The following SOX5 variants were observed in gnomAD, a reference collection of about 807,000 sequenced individuals.
The protein encoded by SOX5 is SRY-box transcription factor 5, also known as transcription factor SOX-5.
SOX5 carries 9 observed loss-of-function variants against 92.0 expected under a neutral mutation model. The observed-to-expected ratio is 0.10, with a 90% CI of 0.06 to 0.17. The LOEUF (loss-of-function observed/expected upper bound fraction) is 0.17, where lower values mean the gene tolerates loss of function less well. Among genes scored for constraint, SOX5 ranks in the 10% least tolerant of loss-of-function variants. The pLI, the probability that SOX5 is intolerant of heterozygous loss-of-function variation, is 1.00. For missense variants in SOX5, 642 were observed against 944.5 expected (o/e 0.68, Z 4.20); for synonymous variants, 344 against 336.3 (o/e 1.02, Z -0.25).
intron 4 of SOX5, among the ~76,000 whole-genome samples, chr12:24,197,538 C>G (rs1957121689): frequency 6.6e-6 from 1 of 152,132 alleles, no homozygotes; most frequent in Non-Finnish European, 1.5e-5. Context: ...CAAACAGCAC[C>G]CTGCTTACAG....
intron 7 of SOX5, among the ~76,000 whole-genome samples, chr12:23,663,310 T>C (rs981462835): frequency 1.3e-5 from 2 of 152,172 alleles, no homozygotes; most frequent in East Asian, 3.8e-4. Context: ...GCACTAAAAG[T>C]ATGAATATTA....
At chr12:23,957,108 T>G (rs1297889736) in intron 4 of SOX5, among the ~76,000 whole-genome samples, 1 of 152,216 alleles carries the variant, frequency 6.6e-6, no homozygotes, top group Non-Finnish European at 1.5e-5. Context: ...AAGTCCTTCT[T>G]TACAGTTTTA....
chr12:23,827,577 T>C (rs2096252808), intron 3 of SOX5, among the ~76,000 whole-genome samples: 1 of 152,162 alleles, frequency 6.6e-6, no homozygotes. Flanking sequence ...ACAGTCTGCA[T>C]TGTGTTAATA....
chr12:23,987,441 G>C (rs1171463191), intron 4 of SOX5, among the ~76,000 whole-genome samples: 2 of 152,174 alleles, frequency 1.3e-5, no homozygotes, highest in African/African-American at 4.8e-5. Context: ...TGTGGAGCTG[G>C]AGCATAGTAG....
At chr12:24,551,966 G>T (rs1045469020) in intron 1 of SOX5, among the ~76,000 whole-genome samples, 1 of 152,142 alleles carries the variant, frequency 6.6e-6, no homozygotes, top group Non-Finnish European at 1.5e-5. Context: ...TGGGATACAG[G>T]ACTGGATAAA....
intron 3 of SOX5, among the ~76,000 whole-genome samples, chr12:23,802,137 G>A (rs930881129): frequency 2.0e-5 from 3 of 151,792 alleles, no homozygotes; most frequent in African/African-American, 4.8e-5. Flanking sequence ...GCAGTGGTGC[G>A]ATCTCGGCTC....
chr12:24,213,348 G>A (rs1958844858), exon 4 of SOX5: 1 of 146,666 alleles, frequency 6.8e-6, no homozygotes, highest in South Asian at 2.1e-4. Flanking sequence ...CTGACCTGCT[G>A]AGTCTCCCAG....
rs372956791 is a variant in SOX5, at chr12:23,762,036, A to C, written c.482-6312T>G. On this transcript the variant is annotated intron_variant, in intron 3 of 14. Coordinates refer to ENST00000451604, the MANE Select transcript of SOX5 (RefSeq NM_006940.6). The stretch of plus-strand genomic sequence containing the variant: ...GAGCTAAATCTGGAAATCATATATC[A>C]GTAAGAGTTCAATTCATGTTGACAA... 3.9e-5 allele frequency among the ~76,000 whole-genome samples: 6 copies of C among 152,280 alleles called. No homozygotes were observed. In the East Asian group the frequency reaches 9.7e-4, roughly 25 times the overall value.
At chr12:23,607,508 T>C (rs2075389744) in intron 8 of SOX5, among the ~76,000 whole-genome samples, 2 of 150,866 alleles carry the variant, frequency 1.3e-5, no homozygotes, top group African/African-American at 4.8e-5. Flanking sequence ...ATTCACACTT[T>C]TAAAAAATTA....
chr12:23,823,969 T>C (rs1422155133), intron 3 of SOX5, among the ~76,000 whole-genome samples: 1 of 152,260 alleles, frequency 6.6e-6, no homozygotes, highest in Non-Finnish European at 1.5e-5. Context: ...CTCCATCACG[T>C]CATTTATGTT....
chr12:24,513,634 C>G (rs1597470945), intron 1 of SOX5, among the ~76,000 whole-genome samples: 2 of 152,246 alleles, frequency 1.3e-5, no homozygotes, highest in South Asian at 4.1e-4. Flanking sequence ...AATGCTAGAG[C>G]CACTCCCCAT....
chr12:23,816,279 G>A (rs1024707031), intron 3 of SOX5, among the ~76,000 whole-genome samples: 3 of 149,356 alleles, frequency 2.0e-5, no homozygotes, highest in African/African-American at 7.5e-5. Context: ...GCACAATCTT[G>A]GCTCACCACA....
chr12:23,714,938 A>G (rs2092371185), intron 6 of SOX5, among the ~76,000 whole-genome samples: 1 of 152,196 alleles, frequency 6.6e-6, no homozygotes, highest in Non-Finnish European at 1.5e-5. Context: ...GTAAGAAGAA[A>G]TCTATATTAA....
intron 4 of SOX5, among the ~76,000 whole-genome samples, chr12:24,058,248 C>A (rs1441595390): frequency 2.0e-5 from 3 of 152,206 alleles, no homozygotes; most frequent in South Asian, 2.1e-4. Flanking sequence ...ACACATCGTC[C>A]TCACTGAAAC....
rs139075348 is a variant in SOX5 at position 23,578,865 on chromosome 12, T to C, written c.1165-3027A>G. Among the ~76,000 whole-genome samples, 23 of 152,324 alleles carry C rather than the reference T, an allele frequency of 1.5e-4. No homozygotes were observed. The East Asian group carries it at 3.3e-3, about 22-fold the overall frequency. ...CTTCTTTTTGACATCATCATAACTC[T>C]TGCAAAAGTTTTGGGAGATGCTTGG... On this transcript the variant is annotated intron_variant, in intron 9 of 14. Transcript: ENST00000451604.
intron 11 of SOX5, among the ~76,000 whole-genome samples, chr12:23,547,512 G>A (rs1943368277): frequency 6.6e-6 from 1 of 151,808 alleles, no homozygotes; most frequent in African/African-American, 2.4e-5. Flanking sequence ...TACAGGTAAA[G>A]GGCCCAACTA....
chr12:23,733,985 G>T (rs918404655), intron 6 of SOX5, among the ~76,000 whole-genome samples: 8 of 152,152 alleles, frequency 5.3e-5, no homozygotes, highest in African/African-American at 1.9e-4. Context: ...TCTCTATGAA[G>T]TAAGTGCTGT....
At chr12:24,255,955 C>T (rs746396283) in intron 3 of SOX5, among the ~76,000 whole-genome samples, 9 of 152,126 alleles carry the variant, frequency 5.9e-5, no homozygotes, top group Non-Finnish European at 8.8e-5. Flanking sequence ...GTGAAATCTG[C>T]GGCATTTTAA....
At chr12:24,131,390 T>G (rs1949633391) in intron 4 of SOX5, among the ~76,000 whole-genome samples, 1 of 152,134 alleles carries the variant, frequency 6.6e-6, no homozygotes, top group Admixed American at 6.6e-5. Context: ...AGACTGGGAG[T>G]TCCTAGCGGG....
Sources: allele counts gnomAD v4.1 joint callset (sites outside exome capture counted in the v4.1 genomes callset), GRCh38; gene constraint gnomAD v4.1.1; transcripts MANE v1.5; gene names NCBI Gene and HGNC (gene_info 2026-07-23, HGNC 2026-07-21).